The following VWA3B variants were observed in gnomAD, a reference collection of about 807,000 sequenced individuals.
VWA3B encodes von Willebrand factor A domain containing 3B.
In VWA3B, 138 loss-of-function variants were observed where a neutral mutation model predicts 158.3. The ratio of observed to expected loss-of-function variants is 0.87; its 90% CI spans 0.76 to 1.00. The LOEUF (loss-of-function observed/expected upper bound fraction) is 1.00, where lower values mean the gene tolerates loss of function less well. Among genes scored for constraint, VWA3B ranks in the 50% least tolerant of loss-of-function variants. VWA3B has a pLI of 0.00. For missense variants in VWA3B, 1,555 were observed against 1,565.1 expected, an observed-to-expected ratio of 0.99 and a Z score of 0.11; for synonymous variants, 596 against 587.3, an observed-to-expected ratio of 1.01 and a Z score of -0.21.
Position 98,301,610 on chromosome 2 carries a change from C to G in VWA3B, c.3420+1394C>G, listed in dbSNP as rs184496161. Among the ~76,000 whole-genome samples the G allele has an allele frequency of 4.8e-4, 73 of 152,274 alleles. No individual in the cohort carries two copies. The East Asian group carries it at 9.3e-3, about 19-fold the overall frequency. ...CACTCAGATCCCTTCCTTCTACACT[C>G]CCCAGTGCCAGCGAGTGGGAATGAC... On this transcript the variant is annotated intron_variant, in intron 25 of 27. Transcript: ENST00000477737.
rs552194958 is a variant in VWA3B at position 98,281,397 on chromosome 2, A to C, written c.3046-9114A>C. On this transcript the variant is annotated intron_variant, in intron 22 of 27. Coordinates refer to ENST00000477737, the MANE Select transcript of VWA3B (RefSeq NM_144992.5). The stretch of plus-strand genomic sequence containing the variant: ...TGATTAGAGCAGTGACAGACTTTAC[A>C]TGGCCTTAAGGACAAACGTGGACAA... 5.9e-5 allele frequency among the ~76,000 whole-genome samples: 9 copies of C among 152,306 alleles called. No individual in the cohort carries two copies. In the South Asian group the frequency reaches 1.7e-3, roughly 28 times the overall value.
the VWA3B span, among the ~76,000 whole-genome samples, chr2:98,324,686 A>G: frequency 6.6e-6 from 1 of 152,236 alleles, no homozygotes; most frequent in Admixed American, 6.5e-5. Flanking sequence ...TAAAATTCTA[A>G]GTTATTCACC....
the VWA3B span, among the ~76,000 whole-genome samples, chr2:98,321,476 G>T: frequency 4.2e-4 from 64 of 152,354 alleles, no homozygotes; most frequent in Admixed American, 3.9e-4. Context: ...CAGAAATGGG[G>T]CTGTACTCTG....
At chr2:98,171,806 G>A (rs1679609793) in intron 8 of VWA3B, among the ~76,000 whole-genome samples, 1 of 152,194 alleles carries the variant, frequency 6.6e-6, no homozygotes, top group Non-Finnish European at 1.5e-5. Flanking sequence ...AGAGTAGGAG[G>A]AGCCTGTGAA....
intron 2 of VWA3B, among the ~76,000 whole-genome samples, chr2:98,094,040 T>C (rs1032033952): frequency 2.6e-5 from 4 of 152,234 alleles, no homozygotes; most frequent in African/African-American, 9.6e-5. Context: ...CAGTCATCTA[T>C]TGATGGACAC....
intron 8 of VWA3B, among the ~76,000 whole-genome samples, chr2:98,180,776 A>G (rs1347407888): frequency 6.6e-6 from 1 of 152,248 alleles, no homozygotes; most frequent in African/African-American, 2.4e-5. Flanking sequence ...GAAGTGAAAT[A>G]AAAAGTAACC....
intron 22 of VWA3B, among the ~76,000 whole-genome samples, chr2:98,278,565 G>A (rs1353869958): frequency 1.3e-5 from 2 of 152,172 alleles, no homozygotes; most frequent in Non-Finnish European, 2.9e-5. Flanking sequence ...GAAAGGGGAT[G>A]GAGTGGGAAG....
At chr2:98,105,724 T>G (rs985239265) in intron 2 of VWA3B, among the ~76,000 whole-genome samples, 12 of 151,990 alleles carry the variant, frequency 7.9e-5, no homozygotes, top group African/African-American at 2.9e-4. Context: ...TGAGACTCTA[T>G]CTCTTAAAAA....
chr2:98,165,629 T>G (rs1186155583), intron 8 of VWA3B, among the ~76,000 whole-genome samples: 2 of 151,418 alleles, frequency 1.3e-5, no homozygotes, highest in Non-Finnish European at 2.9e-5. Context: ...GAGAGAGAGG[T>G]TGAGGCATGG....
rs924733912 is a variant in VWA3B, at chr2:98,125,960, G to A, written c.703-2279G>A. On this transcript the variant is annotated intron_variant, in intron 5 of 27. Transcript: ENST00000477737. The surrounding 1 kb of genome is among the most constrained non-coding windows in gnomAD (Gnocchi z 4.1). ...ATTACAGGTATGAGCCACCGCTCCC[G>A]GCCACCTTTCTGTTTTTCTAAGTGT... Among the ~76,000 whole-genome samples, 11 of 152,122 alleles carry A rather than the reference G, an allele frequency of 7.2e-5. No individual in the cohort carries two copies. The highest frequency in any genetic ancestry group is 4.1e-4 in the South Asian group (2 of 4,822).
intron 22 of VWA3B, among the ~76,000 whole-genome samples, chr2:98,275,394 T>G (rs1026182868): frequency 1.3e-5 from 2 of 151,990 alleles, no homozygotes; most frequent in Admixed American, 1.3e-4. Context: ...GAGATAGATT[T>G]GGAGGTAATT....
intron 22 of VWA3B, among the ~76,000 whole-genome samples, chr2:98,277,071 A>G (rs1688571574): frequency 6.6e-6 from 1 of 152,152 alleles, no homozygotes; most frequent in African/African-American, 2.4e-5. Flanking sequence ...GAGAGCCGTT[A>G]TTCCCACCTG....
intron 10 of VWA3B, among the ~76,000 whole-genome samples, chr2:98,190,307 C>A (rs1178499207): frequency 6.6e-6 from 1 of 152,166 alleles, no homozygotes; most frequent in Non-Finnish European, 1.5e-5. Flanking sequence ...AGGAATCTTA[C>A]AACTTTCACT....
intron 22 of VWA3B, among the ~76,000 whole-genome samples, chr2:98,271,837 C>T (rs916865353): frequency 2.0e-5 from 3 of 152,154 alleles, no homozygotes; most frequent in African/African-American, 7.2e-5. Context: ...TCTGACTATA[C>T]ATGGGTGTGT....
intron 19 of VWA3B, among the ~76,000 whole-genome samples, chr2:98,243,325 A>T (rs1686196138): frequency 1.3e-5 from 2 of 152,008 alleles, no homozygotes; most frequent in African/African-American, 4.8e-5. Flanking sequence ...AGATTGAAAA[A>T]CTGTGAGATG....
the VWA3B span, among the ~76,000 whole-genome samples, chr2:98,329,820 T>G: frequency 5.4e-4 from 82 of 152,264 alleles, no homozygotes; most frequent in African/African-American, 2.0e-3. Context: ...TTGTGTCCTT[T>G]ATGAAGAAGA....
chr2:98,133,976 C>T (rs1402101705), intron 7 of VWA3B, 37 bp downstream of exon 7: 1 of 1,555,422 alleles, frequency 6.4e-7, no homozygotes. Flanking sequence ...TAGCTTATGT[C>T]CCGAATAGCC....
intron 2 of VWA3B, among the ~76,000 whole-genome samples, chr2:98,098,470 C>T (rs1384635883): frequency 6.6e-6 from 1 of 152,006 alleles, no homozygotes; most frequent in East Asian, 1.9e-4. Context: ...TAATAACCTT[C>T]TTTGTCTCTT....
rs1225187180 is a variant in VWA3B at position 98,207,666 on chromosome 2, CAG to C, written c.1738-4263_1738-4262del. On this transcript the variant is annotated intron_variant, in intron 12 of 27. Transcript: ENST00000477737. ...ATGACCATCTCTCAGAACGGGCCTT[CAG>C]TGATGGAACCCATTGAAGAAGGTTT... The C allele has an allele frequency of 6.8e-6, 3 of 440,518 alleles. No individual in the cohort carries two copies. The Admixed American group carries it at 7.5e-5, about 11-fold the overall frequency. 27.3% of individuals were successfully genotyped at this position (440,518 alleles called of 1,614,324 possible).
Sources: allele counts gnomAD v4.1 joint callset (sites outside exome capture counted in the v4.1 genomes callset), GRCh38; gene constraint gnomAD v4.1.1; non-coding constraint Gnocchi (gnomAD v3.1); transcripts MANE v1.5; gene names NCBI Gene and HGNC (gene_info 2026-07-23, HGNC 2026-07-21).